Variants in NYAP2 observed in about 807,000 individuals in gnomAD.
The protein encoded by NYAP2 is neuronal tyrosine-phosphorylated phosphoinositide-3-kinase adapter 2.
NYAP2 carries 23 observed loss-of-function variants against 50.4 expected under a neutral mutation model. That is an observed-to-expected ratio of 0.46 (90% confidence interval 0.33 to 0.65). NYAP2 has a LOEUF of 0.65. Ranked by LOEUF, NYAP2 falls within the 30% of genes least tolerant of loss-of-function variation. The probability of loss-of-function intolerance (pLI) is 0.02; values close to 1 mark genes in which losing one functional copy is unlikely to be tolerated. For synonymous variants in NYAP2, 394 were observed against 365.2 expected, an observed-to-expected ratio of 1.08 and a Z score of -0.90; for missense variants, 885 against 861.0, an observed-to-expected ratio of 1.03 and a Z score of -0.35.
At chr2:225,650,010 C>A (rs1408399962) in intron 6 of NYAP2, among the ~76,000 whole-genome samples, 1 of 152,078 alleles carries the variant, frequency 6.6e-6, no homozygotes, top group African/African-American at 2.4e-5. Flanking sequence ...TATTAGTTCC[C>A]TTAGGAGAAT....
chr2:225,654,043 A>G (rs1174467258), downstream of NYAP2: 1 of 152,162 alleles, frequency 6.6e-6, no homozygotes, highest in Non-Finnish European at 1.5e-5. Flanking sequence ...AGAAAAAGAA[A>G]AAAAAACTTA....
intron 5 of NYAP2, among the ~76,000 whole-genome samples, chr2:225,622,285 G>A: frequency 6.6e-6 from 1 of 152,108 alleles, no homozygotes; most frequent in Non-Finnish European, 1.5e-5. Context: ...TCCTGTTTTG[G>A]CCTCCCAAAG....
chr2:225,614,179 A>G (rs1193325696), intron 5 of NYAP2, among the ~76,000 whole-genome samples: 2 of 152,178 alleles, frequency 1.3e-5, no homozygotes, highest in African/African-American at 4.8e-5. Flanking sequence ...AGGATGTTTT[A>G]TAGTTTTTGT....
At chr2:225,669,327 T>A in the NYAP2 span, among the ~76,000 whole-genome samples, 1 of 152,150 alleles carries the variant, frequency 6.6e-6, no homozygotes, top group Non-Finnish European at 1.5e-5. Context: ...TGAAAGGCCT[T>A]AACGTAGGTT....
chr2:225,598,394 A>T (rs1692642147), intron 5 of NYAP2, among the ~76,000 whole-genome samples: 1 of 152,252 alleles, frequency 6.6e-6, no homozygotes, highest in South Asian at 2.1e-4. Context: ...CAAATCATTA[A>T]GTGGAAACCA....
chr2:225,625,162 T>C (rs1046825791), intron 5 of NYAP2, among the ~76,000 whole-genome samples: 1 of 152,066 alleles, frequency 6.6e-6, no homozygotes, highest in African/African-American at 2.4e-5. Context: ...CAACTTGTGA[T>C]TATTAGATAA....
chr2:225,602,340 C>T (rs143318213), intron 5 of NYAP2, among the ~76,000 whole-genome samples: 6 of 152,210 alleles, frequency 3.9e-5, no homozygotes, highest in Admixed American at 3.3e-4. Context: ...GAGACAAAGA[C>T]GTGAAGGGGA....
intron 4 of NYAP2, among the ~76,000 whole-genome samples, chr2:225,523,103 G>T (rs985005215): frequency 1.3e-5 from 2 of 152,120 alleles, no homozygotes; most frequent in African/African-American, 2.4e-5. Context: ...ACTTAAGTCA[G>T]CACCAGTCAG....
intron 4 of NYAP2, among the ~76,000 whole-genome samples, chr2:225,545,152 A>C (rs1691550928): frequency 6.6e-6 from 1 of 152,152 alleles, no homozygotes; most frequent in Non-Finnish European, 1.5e-5. Flanking sequence ...TCGCTTTTAA[A>C]TGCCATGAGG....
chr2:225,669,846 G>A, the NYAP2 span, among the ~76,000 whole-genome samples: 1 of 152,088 alleles, frequency 6.6e-6, no homozygotes, highest in Non-Finnish European at 1.5e-5. Flanking sequence ...GATGTGCAAA[G>A]GGCAAGAAGG....
chr2:225,551,672 T>G (rs1053321774), intron 4 of NYAP2, among the ~76,000 whole-genome samples: 1 of 152,182 alleles, frequency 6.6e-6, no homozygotes, highest in East Asian at 1.9e-4. Context: ...AGATGTTTAT[T>G]ATGTACAGGC....
At chr2:225,645,870 G>A (rs1313177974) in intron 6 of NYAP2, among the ~76,000 whole-genome samples, 1 of 152,196 alleles carries the variant, frequency 6.6e-6, no homozygotes, top group Non-Finnish European at 1.5e-5. Context: ...CCAAAGGTAG[G>A]TGAGCCAAAC....
exon 7 of NYAP2, chr2:225,652,830 AT>A (rs1368817691): frequency 5.9e-5 from 9 of 152,316 alleles, no homozygotes; most frequent in African/African-American, 2.2e-4. Flanking sequence ...AATGAGAGAC[AT>A]TGTGCCTCTT....
chr2:225,599,856 A>AT lies in NYAP2; in HGVS notation c.1618+16826dup, dbSNP rs199799840. Among the ~76,000 whole-genome samples the AT allele has an allele frequency of 4.7e-3, 716 of 152,288 alleles. 8 individuals are homozygous for AT. Among genetic ancestry groups the AT allele is most frequent in the African/African-American group, 0.017 (695 of 41,566 alleles). On this transcript the variant is annotated intron_variant, in intron 5 of 6. Coordinates refer to ENST00000636099, the Ensembl canonical transcript of NYAP2. ...AACTCAAATCAATAACTACATAAAC[A>AT]TTTTTATTATAAAATATATATGACA... is the stretch of plus-strand genomic sequence containing the variant.
At chr2:225,588,844 G>A (rs2894568) in intron 5 of NYAP2, among the ~76,000 whole-genome samples, 64,514 of 152,012 alleles carry the variant, frequency 0.42, 14,271 homozygotes, top group African/African-American at 0.54. Flanking sequence ...CTGGTCATCC[G>A]TAATAGCAGT....
intron 3 of NYAP2, among the ~76,000 whole-genome samples, chr2:225,488,849 C>T (rs1384147446): frequency 1.3e-5 from 2 of 152,170 alleles, no homozygotes; most frequent in Non-Finnish European, 2.9e-5. Context: ...AATTCTTCTA[C>T]AATGGTTGGT....
the NYAP2 span, among the ~76,000 whole-genome samples, chr2:225,683,815 G>A: frequency 2.0e-5 from 3 of 152,114 alleles, no homozygotes; most frequent in African/African-American, 7.2e-5. Context: ...GGTAGGTCAC[G>A]AACTGGAAGT....
At chr2:225,621,981 T>A (rs563770560) in intron 5 of NYAP2, among the ~76,000 whole-genome samples, 1 of 152,332 alleles carries the variant, frequency 6.6e-6, no homozygotes, top group Non-Finnish European at 1.5e-5. Flanking sequence ...TTGTGAATAA[T>A]GCTACTATAA....
chr2:225,425,015 GTTTTCTAGAAGCCAACC>G (rs1221126424), intron 3 of NYAP2, among the ~76,000 whole-genome samples: 1 of 152,086 alleles, frequency 6.6e-6, no homozygotes, highest in Admixed American at 6.6e-5. Flanking sequence ...AGAAACATTG[GTTTTCTAGAAGCCAACC>G]TTTTGGCAAC....
Sources: gnomAD v4.1 joint callset for allele counts (sites outside exome capture counted in the v4.1 genomes callset) on GRCh38, gnomAD v4.1.1 for gene constraint, MANE v1.5 for transcripts, NCBI Gene and HGNC (gene_info 2026-07-23, HGNC 2026-07-21) for gene names.